Variants in ADGRG6 observed in about 807,000 individuals in gnomAD.
ADGRG6 encodes the protein adhesion G protein-coupled receptor G6.
In ADGRG6, 84 loss-of-function variants were observed where a neutral mutation model predicts 142.4. The ratio of observed to expected loss-of-function variants is 0.59; its 90% CI spans 0.49 to 0.71. The LOEUF (loss-of-function observed/expected upper bound fraction) is 0.71, where lower values mean the gene tolerates loss of function less well. ADGRG6 is among the 30% of genes least tolerant of loss of function. The probability of loss-of-function intolerance (pLI) is 0.00; values close to 1 mark genes in which losing one functional copy is unlikely to be tolerated. For missense variants in ADGRG6, 1,367 were observed against 1,466.6 expected, an observed-to-expected ratio of 0.93 and a Z score of 1.11; for synonymous variants, 521 against 520.5, an observed-to-expected ratio of 1.00 and a Z score of -0.01.
At chr6:142,345,176 G>T (rs556931002) in intron 2 of ADGRG6, among the ~76,000 whole-genome samples, 39 of 152,170 alleles carry the variant, frequency 2.6e-4, no homozygotes, top group Admixed American at 9.2e-4. Flanking sequence ...AAAGAGTAAA[G>T]AAATATGTGC....
chr6:142,410,636 A>C (rs967776800), intron 17 of ADGRG6, among the ~76,000 whole-genome samples: 5 of 152,086 alleles, frequency 3.3e-5, no homozygotes, highest in African/African-American at 1.2e-4. Context: ...TCTTTTTTTG[A>C]TAGTTCTTGT....
intron 17 of ADGRG6, 68 bp downstream of exon 17, chr6:142,409,987 C>T (rs1776000227): frequency 1.5e-6 from 1 of 664,504 alleles, no homozygotes. Flanking sequence ...TTAGACACCC[C>T]CATTTCCTTT....
At chr6:142,383,896 A>T (rs757488548) in intron 6 of ADGRG6, 53 bp downstream of exon 6, 64 of 885,112 alleles carry the variant, frequency 7.2e-5, no homozygotes, top group Non-Finnish European at 1.1e-4. Context: ...AAAAAATTGT[A>T]TTCTAAGGAT....
intron 2 of ADGRG6, among the ~76,000 whole-genome samples, chr6:142,363,260 T>G (rs1053963280): frequency 6.6e-6 from 1 of 152,132 alleles, no homozygotes; most frequent in African/African-American, 2.4e-5. Context: ...TTTAAAGAGA[T>G]TTTAAAGAAT....
intron 9 of ADGRG6, among the ~76,000 whole-genome samples, chr6:142,395,833 TA>T (rs1057463264): frequency 1.3e-5 from 2 of 152,172 alleles, no homozygotes; most frequent in African/African-American, 4.8e-5. Flanking sequence ...CATTGTTTTT[TA>T]AAAAAACTTT....
chr6:142,380,000 T>G (rs1489282132), intron 4 of ADGRG6, among the ~76,000 whole-genome samples: 1 of 152,134 alleles, frequency 6.6e-6, no homozygotes, highest in African/African-American at 2.4e-5. Context: ...TGGTTCAATC[T>G]GGAGAAGGGT....
At chr6:142,371,167 G>C (rs983610291) in intron 4 of ADGRG6, among the ~76,000 whole-genome samples, 4 of 150,238 alleles carry the variant, frequency 2.7e-5, no homozygotes, top group Non-Finnish European at 4.4e-5. Flanking sequence ...GTAAGTTATT[G>C]GTATTTTTTT....
intron 4 of ADGRG6, among the ~76,000 whole-genome samples, chr6:142,373,881 CTTTTT>C (rs769498618): frequency 1.1e-5 from 1 of 93,846 alleles, no homozygotes; most frequent in East Asian, 2.9e-4. Context: ...TTTTTCTTTT[CTTTTT>C]TTTTTTTTTT....
chr6:142,338,013 C>CTTT (rs1779405902), intron 2 of ADGRG6, among the ~76,000 whole-genome samples: 1 of 26,044 alleles, frequency 3.8e-5, no homozygotes, highest in Admixed American at 4.7e-4. Context: ...TGCCTTGTAT[C>CTTT]TTTGTTTTTT....
intron 2 of ADGRG6, among the ~76,000 whole-genome samples, chr6:142,348,041 T>A (rs1779990663): frequency 6.6e-6 from 1 of 152,168 alleles, no homozygotes; most frequent in African/African-American, 2.4e-5. Flanking sequence ...TCATAATCAA[T>A]GAGGTTTCAG....
At chr6:142,392,665 C>A (rs1394472348) in intron 7 of ADGRG6, among the ~76,000 whole-genome samples, 2 of 151,934 alleles carry the variant, frequency 1.3e-5, no homozygotes, top group Non-Finnish European at 2.9e-5. Flanking sequence ...CATTTCTTAT[C>A]TGTGAAAGCT....
intron 6 of ADGRG6, among the ~76,000 whole-genome samples, chr6:142,384,508 G>A (rs922981752): frequency 6.6e-6 from 1 of 152,104 alleles, no homozygotes; most frequent in African/African-American, 2.4e-5. Flanking sequence ...AAAGTCAGGT[G>A]AGTGGAATTC....
intron 22 of ADGRG6, 59 bp from the exon 23 acceptor site, chr6:142,437,375 A>C: frequency 1.3e-6 from 1 of 782,818 alleles, no homozygotes; most frequent in Non-Finnish European, 2.2e-6. Context: ...GTATTTTATA[A>C]GATTTCTCTT....
At chr6:142,441,006 G>A in intron 24 of ADGRG6, 1 of 863,238 alleles carries the variant, frequency 1.2e-6, no homozygotes, top group Non-Finnish European at 1.8e-6. Flanking sequence ...GGTAATAAGA[G>A]AATATGTGCA....
At position 142,437,490 on chromosome 6, in the gene ADGRG6, C is replaced by T. The variant is rs750908671; in HGVS notation, c.3376C>T (p.Arg1126Trp). ...AMKENVQKQW[R>W]QHLCCGRFRL... is the part of the protein sequence containing the mutation. ...GAAGGAGAATGTTCAGAAACAGTGG[C>T]GGCAGCATCTCTGCTGTGGTAGATT... Residue 1126 changes from arginine (R) to tryptophan (W), a missense_variant, in exon 23 of 25, where the codon CGG becomes TGG. By Grantham distance (101) the Arg-to-Trp change is moderately radical. Transcript: ENST00000367609. 5 of 1,587,282 alleles carry T rather than the reference C, an allele frequency of 3.2e-6. No homozygotes were observed. The highest frequency in any genetic ancestry group is 1.7e-5 in the Admixed American group (1 of 59,926).
chr6:142,335,874 A>G (rs1779285459), intron 2 of ADGRG6, among the ~76,000 whole-genome samples: 1 of 152,190 alleles, frequency 6.6e-6, no homozygotes, highest in Admixed American at 6.5e-5. Flanking sequence ...ATTTCAAGAG[A>G]ATGTAATCAG....
chr6:142,373,245 A>G (rs1361725922), intron 4 of ADGRG6, among the ~76,000 whole-genome samples: 1 of 152,216 alleles, frequency 6.6e-6, no homozygotes. Flanking sequence ...AAACAGGATT[A>G]GATATTAGAT....
chr6:142,306,693 G>GT (rs1000100843), intron 1 of ADGRG6, among the ~76,000 whole-genome samples: 3 of 151,772 alleles, frequency 2.0e-5, no homozygotes, highest in Non-Finnish European at 2.9e-5. Context: ...GTGTGTGTGT[G>GT]TTTTTTTTCC....
chr6:142,392,904 TA>T, intron 7 of ADGRG6, 43 bp from the exon 8 acceptor site: 1 of 1,330,252 alleles, frequency 7.5e-7, no homozygotes, highest in Non-Finnish European at 1.1e-6. Context: ...AGATATTTTT[TA>T]AAGGTATTAG....
Sources: gnomAD v4.1 joint callset for allele counts (sites outside exome capture counted in the v4.1 genomes callset) on GRCh38, gnomAD v4.1.1 for gene constraint, MANE v1.5 for transcripts, NCBI Gene and HGNC (gene_info 2026-07-23, HGNC 2026-07-21) for gene names.